Variants in HMCN1 observed in about 807,000 individuals in gnomAD.
The protein encoded by HMCN1 is hemicentin-1.
Under a neutral mutation model 625.9 loss-of-function variants are expected in HMCN1, and 321 were observed. The observed-to-expected ratio is 0.51, with a 90% CI of 0.47 to 0.56. HMCN1 has a LOEUF of 0.56. Ranked by LOEUF, HMCN1 falls within the 20% of genes least tolerant of loss-of-function variation. The pLI is 0.00. For missense variants in HMCN1, 6,588 were observed against 6,887.3 expected, an observed-to-expected ratio of 0.96 and a Z score of 1.54; for synonymous variants, 2,425 against 2,417.6, an observed-to-expected ratio of 1.00 and a Z score of -0.09.
At chr1:186,062,485 G>C in intron 47 of HMCN1, 29 bp from the exon 48 acceptor site, 2 of 1,365,710 alleles carry the variant, frequency 1.5e-6, no homozygotes, top group Non-Finnish European at 2.1e-6. Flanking sequence ...GTTAAGAGCT[G>C]TTATTTTGTT....
chr1:186,042,898 G>T (rs187548224), intron 40 of HMCN1, among the ~76,000 whole-genome samples: 5 of 152,144 alleles, frequency 3.3e-5, no homozygotes, highest in Non-Finnish European at 5.9e-5. Flanking sequence ...GTACGCTGTT[G>T]GGGGGTGGAA....
intron 25 of HMCN1, among the ~76,000 whole-genome samples, chr1:185,998,990 C>T (rs961184241): frequency 6.6e-6 from 1 of 152,026 alleles, no homozygotes; most frequent in African/African-American, 2.4e-5. Context: ...CATCAGTCAA[C>T]ATTATACTAT....
intron 97 of HMCN1, 100 bp downstream of exon 97, chr1:186,154,087 C>A: frequency 1.0e-6 from 1 of 954,520 alleles, no homozygotes; most frequent in Non-Finnish European, 1.7e-6. Flanking sequence ...AACATGATAT[C>A]AGGTTTTTCA....
At chr1:186,002,972 T>C (rs1282895568) in intron 28 of HMCN1, among the ~76,000 whole-genome samples, 1 of 152,142 alleles carries the variant, frequency 6.6e-6, no homozygotes, top group East Asian at 1.9e-4. Context: ...TCTATCATCA[T>C]TCATGAGCTG....
chr1:186,016,846 A>G (rs1241958927), intron 32 of HMCN1, 117 bp from the exon 33 acceptor site: 3 of 734,044 alleles, frequency 4.1e-6, no homozygotes, highest in Non-Finnish European at 7.6e-6. Context: ...CCCTTCATGT[A>G]TCAAACCACT....
chr1:185,924,981 A>G (rs1427495339), intron 8 of HMCN1, 66 bp from the exon 9 acceptor site: 3 of 1,306,372 alleles, frequency 2.3e-6, no homozygotes, highest in Non-Finnish European at 2.2e-6. Flanking sequence ...ATTAAGAGGC[A>G]GTACTTAACA....
intron 17 of HMCN1, 124 bp downstream of exon 17, chr1:185,981,197 C>G: frequency 1.5e-6 from 1 of 685,470 alleles, no homozygotes; most frequent in Non-Finnish European, 2.7e-6. Flanking sequence ...ACTAGACCAG[C>G]CTTCCCTTCC....
intron 92 of HMCN1, 71 bp from the exon 93 acceptor site, chr1:186,145,682 C>A: frequency 6.8e-6 from 11 of 1,610,734 alleles, no homozygotes; most frequent in Non-Finnish European, 8.5e-6. Flanking sequence ...TAGGCAGGGG[C>A]ACCCCAAGTA....
In HMCN1 at chr1:186,039,874, T is replaced by A; in HGVS notation, c.6175T>A (p.Leu2059Ile). ...TCCTGTTTCTAGTTTTTCTAATGGATTACAGGTACCTTCATTCATTTCTTT... is the reference window on the plus strand; with the variant it reads ...TCCTGTTTCTAGTTTTTCTAATGGAATACAGGTACCTTCATTCATTTCTTT... ...GSPVSSFSNG[L>I]QVLSGGRILA... is the part of the protein sequence containing the mutation. The change falls in exon 39 of 107, where the codon TTA (leucine) becomes ATA (isoleucine). Residue 2059 changes from leucine to isoleucine, a missense_variant. Physicochemically the swap from Leu to Ile is conservative, Grantham distance 5. Coordinates refer to ENST00000271588, the MANE Select transcript of HMCN1 (RefSeq NM_031935.3). The A allele has an allele frequency of 6.2e-7, 1 of 1,613,108 alleles. No individual in the cohort carries two copies. The highest frequency in any genetic ancestry group is 8.5e-7 in the Non-Finnish European group (1 of 1,179,286).
In HMCN1 at chr1:185,989,601, C is replaced by A. The variant is rs1558122380; in HGVS notation, c.3162C>A (p.Thr1054=). The part of the protein sequence containing the change: ...EESGEYVCTA[T]NTAGYAKRKV... ...GTGGGGAGTATGTCTGCACTGCCAC[C>A]AATACAGCCGGCTACGCCAAAAGGA... Residue 1054 remains threonine, a synonymous_variant, in exon 21 of 107, where the codon ACC becomes ACA. Coordinates refer to ENST00000271588, the MANE Select transcript of HMCN1 (RefSeq NM_031935.3). 1 of 1,613,928 alleles carries A rather than the reference C, an allele frequency of 6.2e-7. No individual in the cohort carries two copies. The highest frequency in any genetic ancestry group is 1.7e-5 in the Admixed American group (1 of 60,000).
chr1:185,883,664 G>C (rs1371319399), intron 4 of HMCN1, among the ~76,000 whole-genome samples: 1 of 151,872 alleles, frequency 6.6e-6, no homozygotes, highest in Non-Finnish European at 1.5e-5. Context: ...TATTGGAATT[G>C]TTTCTAGTGC....
intron 103 of HMCN1, among the ~76,000 whole-genome samples, chr1:186,177,934 C>A (rs1469785938): frequency 6.6e-6 from 1 of 151,718 alleles, no homozygotes; most frequent in African/African-American, 2.4e-5. Flanking sequence ...TTTAAGATGT[C>A]TCTGCCTAGT....
intron 41 of HMCN1, among the ~76,000 whole-genome samples, chr1:186,048,506 C>T (rs1656726677): frequency 6.6e-6 from 1 of 151,842 alleles, no homozygotes; most frequent in African/African-American, 2.4e-5. Context: ...TGTTCTAGAC[C>T]CTCAACCCCT....
rs377383392 is a variant in HMCN1, at chr1:186,132,378, G to C, written c.13281G>C (p.Val4427=). ...GTGTAGCTACCAATGAAGCTGGGGT[G>C]GTGGAGCGCAGCATGAGTCTGACTC... The part of the protein sequence containing the change: ...YTCVATNEAG[V]VERSMSLTLQ... The change falls in exon 86 of 107, where the codon GTG becomes GTC. Residue 4427 remains valine (V), a synonymous_variant. Coordinates refer to ENST00000271588, the MANE Select transcript of HMCN1 (RefSeq NM_031935.3). 7 of 1,612,460 alleles carry C rather than the reference G, an allele frequency of 4.3e-6. No homozygotes were observed. Among genetic ancestry groups the C allele is most frequent in the Non-Finnish European group, 5.9e-6 (7 of 1,179,244 alleles).
At chr1:186,082,642 C>G (rs1282084406) in intron 56 of HMCN1, among the ~76,000 whole-genome samples, 1 of 152,010 alleles carries the variant, frequency 6.6e-6, no homozygotes, top group East Asian at 1.9e-4. Context: ...TTCTAGTCAA[C>G]ATACCACAAA....
At chr1:186,048,443 G>C (rs1656722932) in intron 41 of HMCN1, among the ~76,000 whole-genome samples, 1 of 152,042 alleles carries the variant, frequency 6.6e-6, no homozygotes, top group Non-Finnish European at 1.5e-5. Context: ...AGTCTTAAAT[G>C]ACTTTATCAG....
intron 1 of HMCN1, among the ~76,000 whole-genome samples, chr1:185,770,233 TG>T (rs1656148112): frequency 1.3e-5 from 2 of 152,206 alleles, no homozygotes; most frequent in Admixed American, 1.3e-4. Flanking sequence ...GAGCTGTGTT[TG>T]TGATGAATAC....
chr1:186,113,104 C>T (rs1000805512), intron 72 of HMCN1, 151 bp downstream of exon 72: 1 of 810,494 alleles, frequency 1.2e-6, no homozygotes, highest in Non-Finnish European at 1.9e-6. Flanking sequence ...TGTATTATAT[C>T]TATACTGCAA....
At chr1:185,965,327 A>G (rs1329611636) in intron 13 of HMCN1, among the ~76,000 whole-genome samples, 1 of 152,204 alleles carries the variant, frequency 6.6e-6, no homozygotes, top group East Asian at 1.9e-4. Flanking sequence ...CCTTAAAATG[A>G]CGTAGAAAAT....
Sources: gnomAD v4.1 joint callset for allele counts (sites outside exome capture counted in the v4.1 genomes callset) on GRCh38, gnomAD v4.1.1 for gene constraint, MANE v1.5 for transcripts, NCBI Gene and HGNC (gene_info 2026-07-23, HGNC 2026-07-21) for gene names.